ENOX1: variants seen among roughly 807,000 people sequenced by gnomAD.
ENOX1 encodes the protein ecto-NOX disulfide-thiol exchanger 1, also known as candidate growth-related and time keeping constitutive hydroquinone (NADH) oxidase.
Under a neutral mutation model 82.5 loss-of-function variants are expected in ENOX1, and 42 were observed. That is an observed-to-expected ratio of 0.51 (90% CI 0.40 to 0.66). The LOEUF is 0.66. Among genes scored for constraint, ENOX1 ranks in the 30% least tolerant of loss-of-function variants. ENOX1 has a pLI of 0.00. For synonymous variants in ENOX1, 271 were observed against 282.2 expected (o/e 0.96, Z 0.40); for missense variants, 608 against 811.6 (o/e 0.75, Z 3.05).
intron 5 of ENOX1, among the ~76,000 whole-genome samples, chr13:43,383,739 CA>C (rs2052225606): frequency 1.3e-5 from 2 of 152,302 alleles, no homozygotes; most frequent in East Asian, 3.9e-4. Flanking sequence ...TTACCATCAA[CA>C]GGAATTCTCC....
chr13:43,232,608 G>C (rs2042340204), intron 15 of ENOX1, among the ~76,000 whole-genome samples: 1 of 152,218 alleles, frequency 6.6e-6, no homozygotes, highest in African/African-American at 2.4e-5. Flanking sequence ...GTGCACGTGT[G>C]AGATGGTGAC....
intron 5 of ENOX1, among the ~76,000 whole-genome samples, chr13:43,365,197 C>A (rs142578835): frequency 6.6e-6 from 1 of 152,254 alleles, no homozygotes; most frequent in African/African-American, 2.4e-5. Flanking sequence ...TTAAGAGTCT[C>A]ATATTTGAGA....
chr13:43,688,600 A>T (rs930908761), intron 1 of ENOX1, among the ~76,000 whole-genome samples: 1 of 152,230 alleles, frequency 6.6e-6, no homozygotes, highest in Non-Finnish European at 1.5e-5. Flanking sequence ...TATTTACAAA[A>T]AAACAGGCCA....
At chr13:43,625,386 T>C (rs1183564217) in intron 2 of ENOX1, among the ~76,000 whole-genome samples, 1 of 152,064 alleles carries the variant, frequency 6.6e-6, no homozygotes, top group Non-Finnish European at 1.5e-5. Flanking sequence ...ATAAGAGTAG[T>C]GAGATTGAAT....
chr13:43,437,496 A>G (rs568578054), intron 3 of ENOX1, among the ~76,000 whole-genome samples: 2 of 152,300 alleles, frequency 1.3e-5, no homozygotes, highest in African/African-American at 4.8e-5. Context: ...TATGGAAATG[A>G]CCCATAATGA....
At chr13:43,495,643 T>A (rs2076767382) in intron 2 of ENOX1, among the ~76,000 whole-genome samples, 1 of 127,478 alleles carries the variant, frequency 7.8e-6, no homozygotes, top group East Asian at 2.0e-4. Context: ...ACAAAGCTAT[T>A]ACAAACATTC....
intron 1 of ENOX1, among the ~76,000 whole-genome samples, chr13:43,762,646 G>C (rs944382095): frequency 6.6e-6 from 1 of 152,090 alleles, no homozygotes; most frequent in African/African-American, 2.4e-5. Flanking sequence ...AATAATCTGG[G>C]ACAAGCACTC....
chr13:43,533,124 G>A lies in ENOX1; in HGVS notation c.-218-48972C>T, dbSNP rs193084942. Among the ~76,000 whole-genome samples the A allele has an allele frequency of 5.3e-5, 8 of 152,128 alleles. No homozygotes were observed. The East Asian group carries it at 1.5e-3, about 29-fold the overall frequency. ...GAATATACATACATTTCTTGAAAAC[G>A]AGGACTACTACGTAAATCCTAAAGG... On this transcript the variant is annotated intron_variant, in intron 2 of 16. Transcript: ENST00000690772.
intron 3 of ENOX1, among the ~76,000 whole-genome samples, chr13:43,439,080 T>C (rs547047360): frequency 1.3e-5 from 2 of 149,048 alleles, no homozygotes; most frequent in African/African-American, 2.5e-5. Context: ...TTCATGCTTA[T>C]TGCCCAAGCT....
intron 5 of ENOX1, 56 bp from the exon 6 acceptor site, chr13:43,361,508 G>C: frequency 1.3e-6 from 2 of 1,521,622 alleles, no homozygotes; most frequent in East Asian, 2.4e-5. Context: ...TTTTGTTGTT[G>C]TTTTTGCCAT....
At chr13:43,720,332 C>G (rs988946786) in intron 1 of ENOX1, among the ~76,000 whole-genome samples, 7 of 152,208 alleles carry the variant, frequency 4.6e-5, no homozygotes, top group Non-Finnish European at 8.8e-5. Context: ...CTCTCAGTGA[C>G]TTCGCACAAG....
intron 2 of ENOX1, among the ~76,000 whole-genome samples, chr13:43,621,698 C>T (rs778786332): frequency 6.6e-6 from 1 of 152,164 alleles, no homozygotes; most frequent in Non-Finnish European, 1.5e-5. Flanking sequence ...GTTCCTTCAT[C>T]TTAACTTTGG....
intron 1 of ENOX1, among the ~76,000 whole-genome samples, chr13:43,671,904 T>C (rs1427925244): frequency 6.6e-6 from 1 of 152,214 alleles, no homozygotes; most frequent in Non-Finnish European, 1.5e-5. Flanking sequence ...AAATTTGTTG[T>C]AACTTGCTCT....
intron 5 of ENOX1, among the ~76,000 whole-genome samples, chr13:43,369,352 C>T (rs988305599): frequency 6.6e-6 from 1 of 152,224 alleles, no homozygotes; most frequent in African/African-American, 2.4e-5. Context: ...CAGGAAGAAG[C>T]TGATCAACCT....
intron 2 of ENOX1, among the ~76,000 whole-genome samples, chr13:43,634,809 T>C (rs1310764550): frequency 6.6e-6 from 1 of 152,202 alleles, no homozygotes; most frequent in East Asian, 1.9e-4. Context: ...ACATGTTCTT[T>C]TGTAATTAAA....
At chr13:43,534,318 A>G (rs1274597510) in intron 2 of ENOX1, among the ~76,000 whole-genome samples, 4 of 152,084 alleles carry the variant, frequency 2.6e-5, no homozygotes, top group Non-Finnish European at 5.9e-5. Flanking sequence ...TGCTGAGTTA[A>G]AATTTCCAAC....
At chr13:43,441,351 T>C (rs1242443381) in intron 3 of ENOX1, among the ~76,000 whole-genome samples, 1 of 152,230 alleles carries the variant, frequency 6.6e-6, no homozygotes, top group Non-Finnish European at 1.5e-5. Flanking sequence ...AATATACATG[T>C]CATTTCTTAC....
intron 1 of ENOX1, among the ~76,000 whole-genome samples, chr13:43,692,502 G>C (rs1472190571): frequency 2.0e-5 from 3 of 152,052 alleles, no homozygotes; most frequent in African/African-American, 7.2e-5. Flanking sequence ...TCAACAAATA[G>C]AGAAAACTGC....
chr13:43,589,989 T>C (rs1482069639), intron 2 of ENOX1, among the ~76,000 whole-genome samples: 2 of 150,828 alleles, frequency 1.3e-5, no homozygotes, highest in African/African-American at 4.9e-5. Flanking sequence ...CAAACATTAA[T>C]ATATGTAGGT....
Sources: allele counts gnomAD v4.1 joint callset (sites outside exome capture counted in the v4.1 genomes callset), GRCh38; gene constraint gnomAD v4.1.1; transcripts MANE v1.5; gene names NCBI Gene and HGNC (gene_info 2026-07-23, HGNC 2026-07-21).